Variants in JARID2 observed in about 807,000 individuals in gnomAD.
JARID2 encodes protein Jumonji.
A neutral mutation model predicts 125.6 loss-of-function variants in JARID2; 21 were observed. The ratio of observed to expected loss-of-function variants is 0.17; its 90% confidence interval spans 0.12 to 0.24. The LOEUF (loss-of-function observed/expected upper bound fraction) is 0.24, where lower values mean the gene tolerates loss of function less well. Ranked by LOEUF, JARID2 falls within the 10% of genes least tolerant of loss-of-function variation. JARID2 has a pLI of 1.00. For missense variants in JARID2, 1,303 were observed against 1,639.6 expected, an observed-to-expected ratio of 0.79 and a Z score of 3.55; for synonymous variants, 736 against 661.6, an observed-to-expected ratio of 1.11 and a Z score of -1.73.
At chr6:15,433,410 C>CTCTCTGTG (rs1241800597) in intron 3 of JARID2, among the ~76,000 whole-genome samples, 60 of 143,522 alleles carry the variant, frequency 4.2e-4, no homozygotes, top group African/African-American at 1.2e-3. Flanking sequence ...CCATGTCTCT[C>CTCTCTGTG]TGTGTGTGTG....
intron 5 of JARID2, among the ~76,000 whole-genome samples, chr6:15,478,054 A>G (rs545219541): frequency 6.6e-5 from 10 of 152,196 alleles, no homozygotes; most frequent in Admixed American, 5.9e-4. Flanking sequence ...TGCTTTGCTA[A>G]AGTATTTATT....
intron 13 of JARID2, among the ~76,000 whole-genome samples, chr6:15,511,695 G>A (rs1025972290): frequency 2.0e-5 from 3 of 152,210 alleles, no homozygotes; most frequent in African/African-American, 7.2e-5. Context: ...GGGCATGTGA[G>A]AGGAATGAGC....
At chr6:15,426,313 C>G (rs1384918361) in intron 3 of JARID2, among the ~76,000 whole-genome samples, 1 of 152,164 alleles carries the variant, frequency 6.6e-6, no homozygotes, top group East Asian at 1.9e-4. Context: ...CGATGGACTT[C>G]ACAAGCTGGC....
intron 1 of JARID2, among the ~76,000 whole-genome samples, chr6:15,266,841 TAAC>T (rs1760102738): frequency 6.6e-6 from 1 of 152,146 alleles, no homozygotes; most frequent in African/African-American, 2.4e-5. Flanking sequence ...ACTGCTGTAA[TAAC>T]AATCAGGGCG....
chr6:15,258,203 T>C (rs1759739038), intron 1 of JARID2, among the ~76,000 whole-genome samples: 3 of 152,202 alleles, frequency 2.0e-5, no homozygotes, highest in Admixed American at 6.5e-5. Flanking sequence ...TTGCTTACCA[T>C]GTTCTGACAC....
chr6:15,284,755 G>A (rs1029831793), intron 1 of JARID2, among the ~76,000 whole-genome samples: 5 of 152,146 alleles, frequency 3.3e-5, no homozygotes, highest in Non-Finnish European at 7.4e-5. Flanking sequence ...CCAAAGTGCT[G>A]GGATTACAGG....
At chr6:15,427,370 G>T (rs977887285) in intron 3 of JARID2, among the ~76,000 whole-genome samples, 1 of 152,008 alleles carries the variant, frequency 6.6e-6, no homozygotes, top group East Asian at 1.9e-4. Flanking sequence ...AGCTTCTTCC[G>T]CATTTGTTTA....
At chr6:15,293,431 A>C (rs1761298786) in intron 1 of JARID2, among the ~76,000 whole-genome samples, 1 of 152,086 alleles carries the variant, frequency 6.6e-6, no homozygotes, top group Non-Finnish European at 1.5e-5. Flanking sequence ...AACCCAAAAA[A>C]CCTGCTAGCT....
At chr6:15,423,005 T>TTA (rs397958022) in intron 3 of JARID2, among the ~76,000 whole-genome samples, 1 of 143,798 alleles carries the variant, frequency 7.0e-6, no homozygotes, top group Non-Finnish European at 1.5e-5. Flanking sequence ...TTTTTTTTTT[T>TTA]AAACATTTAT....
chr6:15,340,515 A>G (rs1763031450), intron 1 of JARID2, among the ~76,000 whole-genome samples: 2 of 152,236 alleles, frequency 1.3e-5, no homozygotes, highest in Admixed American at 1.3e-4. Flanking sequence ...CTTCAGGTTT[A>G]TAAAGACTAC....
At chr6:15,323,401 G>T (rs369679060) in intron 1 of JARID2, among the ~76,000 whole-genome samples, 14 of 152,158 alleles carry the variant, frequency 9.2e-5, no homozygotes, top group Admixed American at 2.6e-4. Flanking sequence ...TTGGCCTAGC[G>T]TCTTCATAGA....
chr6:15,398,951 C>A (rs535657523), intron 2 of JARID2, among the ~76,000 whole-genome samples: 1 of 152,322 alleles, frequency 6.6e-6, no homozygotes, highest in South Asian at 2.1e-4. Flanking sequence ...ATATCTGCCT[C>A]AGGTCTCCTT....
At chr6:15,439,133 A>G (rs116610069) in intron 3 of JARID2, among the ~76,000 whole-genome samples, 2 of 152,066 alleles carry the variant, frequency 1.3e-5, no homozygotes, top group African/African-American at 2.4e-5. Context: ...CATAGGAAGC[A>G]TCACAACCAT....
chr6:15,381,935 A>G (rs1020502819), intron 2 of JARID2, among the ~76,000 whole-genome samples: 1 of 152,256 alleles, frequency 6.6e-6, no homozygotes, highest in African/African-American at 2.4e-5. Flanking sequence ...TGAGAAAAAT[A>G]GATGCAACTT....
At chr6:15,252,803 T>G (rs1294718022) in intron 1 of JARID2, among the ~76,000 whole-genome samples, 2 of 152,172 alleles carry the variant, frequency 1.3e-5, no homozygotes, top group Non-Finnish European at 1.5e-5. Flanking sequence ...ATCCTGTGAC[T>G]CCCTAAGACA....
intron 5 of JARID2, among the ~76,000 whole-genome samples, chr6:15,469,270 CTCTCTGTCTCTCTG>C (rs751705556): frequency 0.077 from 8,632 of 112,260 alleles, 521 homozygotes; most frequent in Non-Finnish European, 0.089. Flanking sequence ...TTCTCTCTGT[CTCTCTGTCTCTCTG>C]TCTCTGTCTC....
chr6:15,432,440 C>G (rs889706600), intron 3 of JARID2, among the ~76,000 whole-genome samples: 4 of 124,100 alleles, frequency 3.2e-5, no homozygotes, highest in African/African-American at 1.2e-4. Context: ...CAGCTACTCT[C>G]ACCTTCAAAA....
In JARID2 at chr6:15,468,543, T is replaced by A; in HGVS notation, c.495T>A (p.Gly165=). The A allele has an allele frequency of 6.2e-7, 1 of 1,610,338 alleles. No homozygotes were observed. The highest frequency in any genetic ancestry group is 8.5e-7 in the Non-Finnish European group (1 of 1,177,912). The change falls in exon 5 of 18, where the codon GGT becomes GGA. Residue 165 remains glycine (G), a splice_region_variant and synonymous_variant. Coordinates refer to ENST00000341776, the MANE Select transcript of JARID2 (RefSeq NM_004973.4). ...GAGCTGTTTTTCTTATTCCACCAGG[T>A]TCTCCTGCGCTGCCCAACAGCATGG... ...EDFLTFLCLR[G]SPALPNSMVY... is the part of the protein sequence containing the mutation.
chr6:15,438,221 GT>G (rs1767295452), intron 3 of JARID2, among the ~76,000 whole-genome samples: 1 of 152,168 alleles, frequency 6.6e-6, no homozygotes, highest in South Asian at 2.1e-4. Flanking sequence ...GAGTTTGGCA[GT>G]GGATTGACAC....
Sources: gnomAD v4.1 joint callset for allele counts (sites outside exome capture counted in the v4.1 genomes callset) on GRCh38, gnomAD v4.1.1 for gene constraint, MANE v1.5 for transcripts, NCBI Gene and HGNC (gene_info 2026-07-23, HGNC 2026-07-21) for gene names.